ROCK2: variants seen among roughly 807,000 people sequenced by gnomAD.
The protein encoded by ROCK2 is Rho associated coiled-coil containing protein kinase 2, also known as rho-associated protein kinase 2.
A neutral mutation model predicts 195.1 loss-of-function variants in ROCK2; 61 were observed. That is an observed-to-expected ratio of 0.31 (90% CI 0.25 to 0.39). The LOEUF (loss-of-function observed/expected upper bound fraction) is 0.39. Among genes scored for constraint, ROCK2 ranks in the 10% least tolerant of loss-of-function variants. ROCK2 has a pLI of 1.00. For missense variants in ROCK2, 1,109 were observed against 1,637.4 expected (o/e 0.68, Z 5.57); for synonymous variants, 504 against 545.5 (o/e 0.92, Z 1.06).
intron 5 of ROCK2, among the ~76,000 whole-genome samples, chr2:11,232,809 T>C (rs572470744): frequency 1.3e-5 from 2 of 152,274 alleles, no homozygotes; most frequent in Admixed American, 6.5e-5. Flanking sequence ...GCAATCCCTG[T>C]ACATGAACAA....
At chr2:11,306,030 G>A (rs1200171386) in intron 1 of ROCK2, among the ~76,000 whole-genome samples, 1 of 152,174 alleles carries the variant, frequency 6.6e-6, no homozygotes. Flanking sequence ...AAGAGCATGA[G>A]AGTCAAGACT....
chr2:11,243,347 C>T (rs1665494609), intron 4 of ROCK2, among the ~76,000 whole-genome samples: 1 of 152,154 alleles, frequency 6.6e-6, no homozygotes, highest in Non-Finnish European at 1.5e-5. Flanking sequence ...TCTATTTGAA[C>T]TTTCCAATCA....
At chr2:11,219,525 T>G (rs1558302467) in intron 9 of ROCK2, among the ~76,000 whole-genome samples, 1 of 151,898 alleles carries the variant, frequency 6.6e-6, no homozygotes, top group Admixed American at 6.6e-5. Flanking sequence ...CATCCATCAA[T>G]CAATCAATCA....
chr2:11,182,318 A>G lies in ROCK2; in HGVS notation c.*1119T>C, dbSNP rs1179346259. 2.0e-5 allele frequency: 3 copies of G among 152,196 alleles called. No homozygotes were observed. The highest frequency in any genetic ancestry group is 7.2e-5 in the African/African-American group (3 of 41,436). 9.4% of individuals were successfully genotyped at this position (152,196 alleles called of 1,614,324 possible). A position where few individuals can be genotyped will look rare whatever the true frequency, so the allele number is the denominator to read the frequency against. On this transcript the variant is annotated 3_prime_UTR_variant, in exon 33 of 33. Coordinates refer to ENST00000315872, the MANE Select transcript of ROCK2 (RefSeq NM_004850.5). Reference sequence around the variant, plus strand: ...TTCTTTATATTTGGGAAAAATTTTGAATCTTAAGTGTGAAAATGTAATCAC... The same window carrying G: ...TTCTTTATATTTGGGAAAAATTTTGGATCTTAAGTGTGAAAATGTAATCAC...
At chr2:11,268,379 TC>T (rs1422072241) in intron 3 of ROCK2, among the ~76,000 whole-genome samples, 3 of 152,162 alleles carry the variant, frequency 2.0e-5, no homozygotes, top group Non-Finnish European at 4.4e-5. Context: ...CCCTCACACT[TC>T]CAAGAGGGTT....
chr2:11,333,003 G>A (rs1668816396), intron 1 of ROCK2, among the ~76,000 whole-genome samples: 1 of 152,114 alleles, frequency 6.6e-6, no homozygotes, highest in Admixed American at 6.6e-5. Context: ...GTGGTTGGCT[G>A]GGGATGGGAT....
At chr2:11,285,307 T>TG (rs1667150506) in intron 3 of ROCK2, among the ~76,000 whole-genome samples, 1 of 150,284 alleles carries the variant, frequency 6.7e-6, no homozygotes, top group Admixed American at 6.6e-5. Context: ...AGAGGGACCC[T>TG]GAAACCTTTC....
At chr2:11,189,166 G>A (rs574277868) in intron 32 of ROCK2, among the ~76,000 whole-genome samples, 40 of 152,228 alleles carry the variant, frequency 2.6e-4, no homozygotes, top group Middle Eastern at 6.8e-3. Flanking sequence ...TATATTTGAT[G>A]TATCTAACAA....
At chr2:11,317,576 T>TTAAA (rs1553317357) in intron 1 of ROCK2, among the ~76,000 whole-genome samples, 1 of 29,584 alleles carries the variant, frequency 3.4e-5, no homozygotes, top group African/African-American at 1.6e-4. Context: ...ATCTACACAT[T>TTAAA]TATATATATA....
chr2:11,344,590 C>G lies in ROCK2; in HGVS notation c.-454G>C, dbSNP rs1669230315. On this transcript the variant is annotated 5_prime_UTR_variant, in exon 1 of 33. Transcript: ENST00000315872. The surrounding 1 kb of genome is among the most constrained non-coding windows in gnomAD (Gnocchi z 5.4). Reference sequence around the variant, plus strand: ...TGGTCGCCGCCGGCCGCCTTGCAGTCCCTCAGCCAGCTCCCGGCGCACACA... The same window carrying G: ...TGGTCGCCGCCGGCCGCCTTGCAGTGCCTCAGCCAGCTCCCGGCGCACACA... 1.6e-6 allele frequency: 1 copy of G among 641,472 alleles called. No individual in the cohort carries two copies. Among genetic ancestry groups the G allele is most frequent in the Non-Finnish European group, 1.9e-6 (1 of 517,470 alleles). The allele number at this position is 641,472 out of a possible 1,614,324, so 39.7% of individuals were successfully genotyped here. A position where few individuals can be genotyped will look rare whatever the true frequency, so the allele number is the denominator to read the frequency against.
intron 3 of ROCK2, among the ~76,000 whole-genome samples, 158 bp from the exon 4 acceptor site, chr2:11,249,956 A>G (rs1665773363): frequency 6.6e-6 from 1 of 152,204 alleles, no homozygotes; most frequent in African/African-American, 2.4e-5. Flanking sequence ...AAAGAAACAA[A>G]GGAGAACATT....
intron 1 of ROCK2, among the ~76,000 whole-genome samples, chr2:11,296,719 A>G (rs1295211029): frequency 2.0e-5 from 3 of 152,168 alleles, no homozygotes; most frequent in Non-Finnish European, 4.4e-5. Context: ...CAGTTCCATC[A>G]CTAACATAAT....
intron 1 of ROCK2, among the ~76,000 whole-genome samples, chr2:11,301,296 G>A (rs1667693851): frequency 6.6e-6 from 1 of 151,490 alleles, no homozygotes; most frequent in Admixed American, 6.6e-5. Flanking sequence ...TCAATGATGG[G>A]ATACAAGATT....
At chr2:11,217,248 C>G (rs1664465002) in intron 11 of ROCK2, 79 bp from the exon 12 acceptor site, 1 of 770,974 alleles carries the variant, frequency 1.3e-6, no homozygotes, top group Non-Finnish European at 2.4e-6. Context: ...CAATGATAAG[C>G]TTATTTTGTC....
intron 3 of ROCK2, among the ~76,000 whole-genome samples, chr2:11,275,354 T>C (rs1008536742): frequency 1.3e-5 from 2 of 152,158 alleles, no homozygotes; most frequent in African/African-American, 4.8e-5. Flanking sequence ...AAATACCTTA[T>C]TGTATGTAAT....
intron 3 of ROCK2, among the ~76,000 whole-genome samples, chr2:11,285,177 G>A (rs1212362341): frequency 2.0e-5 from 3 of 150,894 alleles, no homozygotes. Context: ...CAGGAGAATT[G>A]CTTGAACCCG....
At chr2:11,266,965 A>G (rs964868075) in intron 3 of ROCK2, among the ~76,000 whole-genome samples, 1 of 152,236 alleles carries the variant, frequency 6.6e-6, no homozygotes, top group African/African-American at 2.4e-5. Context: ...AACAAAAATA[A>G]AAGCCTTCTT....
Position 11,214,462 on chromosome 2 carries a change from A to G in ROCK2, c.1938T>C (p.Gly646=). 3.2e-6 allele frequency: 5 copies of G among 1,576,538 alleles called. No individual in the cohort carries two copies. The highest frequency in any genetic ancestry group is 4.3e-6 in the Non-Finnish European group (5 of 1,153,854). ...AATCTTCTTCTAGGCCACATATTCTACCTAAAAATTGCAACGTTTTTTTAA... is the reference window on the plus strand; with the variant it reads ...AATCTTCTTCTAGGCCACATATTCTGCCTAAAAATTGCAACGTTTTTTTAA... ...HGSEIINDLQ[G]RICGLEEDLK... Residue 646 remains glycine (G), a splice_region_variant and synonymous_variant, in exon 17 of 33, where the codon GGT becomes GGC. Transcript: ENST00000315872.
intron 3 of ROCK2, among the ~76,000 whole-genome samples, chr2:11,279,492 T>C (rs1190006417): frequency 6.6e-6 from 1 of 152,202 alleles, no homozygotes; most frequent in Non-Finnish European, 1.5e-5. Flanking sequence ...CAATCATCAA[T>C]GTGTTATATG....
Sources: allele counts gnomAD v4.1 joint callset (sites outside exome capture counted in the v4.1 genomes callset), GRCh38; gene constraint gnomAD v4.1.1; non-coding constraint Gnocchi (gnomAD v3.1); transcripts MANE v1.5; gene names NCBI Gene and HGNC (gene_info 2026-07-23, HGNC 2026-07-21).